The following CCDC6 variants were observed in gnomAD, a reference collection of about 807,000 sequenced individuals.
CCDC6 encodes the protein coiled-coil domain-containing protein 6.
A neutral mutation model predicts 56.6 loss-of-function variants in CCDC6; 20 were observed. The observed-to-expected ratio is 0.35, with a 90% CI of 0.25 to 0.51. The LOEUF is 0.51. Ranked by LOEUF, CCDC6 falls within the 20% of genes least tolerant of loss-of-function variation. The pLI is 0.95. For synonymous variants in CCDC6, 241 were observed against 234.4 expected (o/e 1.03, Z -0.26); for missense variants, 367 against 601.1 (o/e 0.61, Z 4.07).
chr10:59,859,581 A>G (rs1278950180), intron 1 of CCDC6, among the ~76,000 whole-genome samples: 1 of 152,252 alleles, frequency 6.6e-6, no homozygotes, highest in Non-Finnish European at 1.5e-5. Flanking sequence ...TGAATAGCAA[A>G]GCAAATAACC....
chr10:59,811,250 C>T (rs925268179), intron 5 of CCDC6, among the ~76,000 whole-genome samples: 2 of 152,192 alleles, frequency 1.3e-5, no homozygotes, highest in Non-Finnish European at 2.9e-5. Context: ...GATACTGATA[C>T]ACCATCCCAG....
At chr10:59,872,831 T>C (rs1362334375) in intron 1 of CCDC6, among the ~76,000 whole-genome samples, 1 of 151,644 alleles carries the variant, frequency 6.6e-6, no homozygotes, top group Admixed American at 6.6e-5. Flanking sequence ...CAGTAACTCT[T>C]CCCTGCTAGA....
At chr10:59,832,412 G>A in intron 3 of CCDC6, 113 bp downstream of exon 3, 1 of 924,488 alleles carries the variant, frequency 1.1e-6, no homozygotes, top group Non-Finnish European at 1.6e-6. Context: ...CCACAGTGGG[G>A]AGAGAAAGCT....
chr10:59,811,791 G>C (rs1479029024), intron 5 of CCDC6, among the ~76,000 whole-genome samples: 1 of 151,868 alleles, frequency 6.6e-6, no homozygotes, highest in Non-Finnish European at 1.5e-5. Flanking sequence ...TTTGGTTGTG[G>C]ATGCAGAACC....
intron 7 of CCDC6, among the ~76,000 whole-genome samples, chr10:59,797,768 A>C (rs1273288932): frequency 6.6e-6 from 1 of 151,848 alleles, no homozygotes; most frequent in Non-Finnish European, 1.5e-5. Context: ...AATATTCAAT[A>C]CAAGGAATGA....
At chr10:59,880,638 A>C (rs1326161705) in intron 1 of CCDC6, among the ~76,000 whole-genome samples, 1 of 152,176 alleles carries the variant, frequency 6.6e-6, no homozygotes, top group African/African-American at 2.4e-5. Flanking sequence ...ATATGTGTAT[A>C]AGTTATACTC....
chr10:59,874,692 C>T (rs534039095), intron 1 of CCDC6, among the ~76,000 whole-genome samples: 2 of 151,144 alleles, frequency 1.3e-5, no homozygotes, highest in African/African-American at 4.9e-5. Flanking sequence ...GAATGGGACC[C>T]GTATAATCAC....
At chr10:59,821,209 A>G (rs920964) in intron 3 of CCDC6, among the ~76,000 whole-genome samples, 146,168 of 152,336 alleles carry the variant, frequency 0.96, 70,193 homozygotes, top group East Asian at 1. Flanking sequence ...TCCAGATTGT[A>G]CCTATATATT....
At chr10:59,847,444 T>C (rs921259974) in intron 2 of CCDC6, among the ~76,000 whole-genome samples, 13 of 152,126 alleles carry the variant, frequency 8.5e-5, no homozygotes, top group Admixed American at 3.3e-4. Flanking sequence ...AGGCTAATCA[T>C]TAGAGCATTC....
intron 2 of CCDC6, among the ~76,000 whole-genome samples, chr10:59,839,388 C>G (rs1039142802): frequency 1.3e-5 from 2 of 152,172 alleles, no homozygotes; most frequent in Non-Finnish European, 2.9e-5. Flanking sequence ...AATGCAAATA[C>G]TGATTGAATA....
intron 2 of CCDC6, among the ~76,000 whole-genome samples, chr10:59,844,780 A>G (rs2070976984): frequency 7.0e-6 from 1 of 143,880 alleles, no homozygotes; most frequent in Non-Finnish European, 1.5e-5. Flanking sequence ...GAGAGAGAGA[A>G]AATCCTTTAG....
intron 1 of CCDC6, among the ~76,000 whole-genome samples, chr10:59,858,790 A>T (rs1380359584): frequency 6.6e-6 from 1 of 152,238 alleles, no homozygotes; most frequent in Non-Finnish European, 1.5e-5. Flanking sequence ...TTGCTAGAAA[A>T]GTAGCTAAAT....
At chr10:59,823,273 T>C (rs1297469329) in intron 3 of CCDC6, among the ~76,000 whole-genome samples, 1 of 152,190 alleles carries the variant, frequency 6.6e-6, no homozygotes, top group Non-Finnish European at 1.5e-5. Context: ...CACTGAACTC[T>C]TAACACTTAA....
At chr10:59,892,085 G>C (rs1190231632) in intron 1 of CCDC6, among the ~76,000 whole-genome samples, 4 of 152,152 alleles carry the variant, frequency 2.6e-5, no homozygotes, top group Admixed American at 6.5e-5. Context: ...TTCATGTTTT[G>C]GTTTCTGTTC....
intron 1 of CCDC6, among the ~76,000 whole-genome samples, chr10:59,885,761 G>C (rs963720916): frequency 6.6e-6 from 1 of 152,146 alleles, no homozygotes; most frequent in African/African-American, 2.4e-5. Context: ...GGGGATTGCA[G>C]CCTACATGTC....
In CCDC6 at chr10:59,876,091, T is replaced by TTTTTTTTTC. The variant is rs1564754331; in HGVS notation, c.304-23390_304-23389insGAAAAAAAA. ...CAGATGTCTTTTTTTTTTTTTTTTT[T>TTTTTTTTTC]CAGATCGAGTCTCGTTCTATCATCC... is the stretch of plus-strand genomic sequence containing the variant. On this transcript the variant is annotated intron_variant, in intron 1 of 8. Coordinates refer to ENST00000263102, the MANE Select transcript of CCDC6 (RefSeq NM_005436.5). Among the ~76,000 whole-genome samples the TTTTTTTTTC allele has an allele frequency of 2.2e-4, 32 of 146,282 alleles. 1 individual carries two copies. The highest frequency in any genetic ancestry group is 4.1e-4 in the Admixed American group (6 of 14,604).
chr10:59,838,106 G>T (rs1313028951), intron 2 of CCDC6, among the ~76,000 whole-genome samples: 1 of 152,042 alleles, frequency 6.6e-6, no homozygotes, highest in Non-Finnish European at 1.5e-5. Flanking sequence ...ATCACTAAGG[G>T]CTTCTTGGGC....
intron 1 of CCDC6, among the ~76,000 whole-genome samples, chr10:59,902,481 C>T (rs111918163): frequency 1.1e-4 from 16 of 150,900 alleles, no homozygotes; most frequent in African/African-American, 3.9e-4. Flanking sequence ...GCAACCTCCA[C>T]CTCCTGGGTT....
chr10:59,857,594 A>G (rs890527077), intron 1 of CCDC6, among the ~76,000 whole-genome samples: 2 of 152,232 alleles, frequency 1.3e-5, no homozygotes, highest in Admixed American at 6.5e-5. Flanking sequence ...GCAAGAAATT[A>G]CAAACATCTA....
Sources: allele counts gnomAD v4.1 joint callset (sites outside exome capture counted in the v4.1 genomes callset), GRCh38; gene constraint gnomAD v4.1.1; transcripts MANE v1.5; gene names NCBI Gene and HGNC (gene_info 2026-07-23, HGNC 2026-07-21).